The following ENOSF1 variants were observed in gnomAD, a reference collection of about 807,000 sequenced individuals.
ENOSF1 encodes enolase superfamily member 1, also known as mitochondrial enolase superfamily member 1.
In ENOSF1, 73 loss-of-function variants were observed where a neutral mutation model predicts 68.2. The ratio of observed to expected loss-of-function variants is 1.07; its 90% CI spans 0.89 to 1.30. ENOSF1 has a LOEUF of 1.30. Among genes scored for constraint, ENOSF1 ranks in the 50% most tolerant of loss-of-function variants. The pLI is 0.00. For missense variants in ENOSF1, 589 were observed against 554.5 expected, an observed-to-expected ratio of 1.06 and a Z score of -0.62; for synonymous variants, 223 against 210.4, an observed-to-expected ratio of 1.06 and a Z score of -0.52.
At position 678,712 on chromosome 18, in the gene ENOSF1, A is replaced by G; in HGVS notation, c.902T>C (p.Ile301Thr). 6.2e-7 allele frequency: 1 copy of G among 1,614,162 alleles called. No homozygotes were observed. The highest frequency in any genetic ancestry group is 8.5e-7 in the Non-Finnish European group (1 of 1,180,034). Reference sequence around the variant, plus strand: ...GTCACTCACCTGTTCTCCTGTGGCAATGCCAATTCCTAATGGGACCAGTGC... The same window carrying G: ...GTCACTCACCTGTTCTCCTGTGGCAGTGCCAATTCCTAATGGGACCAGTGC... ...SKALVPLGIG[I>T]ATGEQCHNRV... is the part of the protein sequence containing the mutation. Residue 301 changes from isoleucine to threonine, a missense_variant, in exon 12 of 16, where the codon ATT (isoleucine) becomes ACT (threonine). Physicochemically the swap from Ile to Thr is moderately conservative, Grantham distance 89. Coordinates refer to ENST00000647584, the MANE Select transcript of ENOSF1 (RefSeq NM_017512.7).
rs2075032593 is a variant in ENOSF1, at chr18:671,227, A to T, written c.*3078T>A. Reference sequence around the variant, plus strand: ...GTTCAATACCAGCCTGGGCAACATAACAAGATGCTGTTGCTACAAAAAAAT... The same window carrying T: ...GTTCAATACCAGCCTGGGCAACATATCAAGATGCTGTTGCTACAAAAAAAT... On this transcript the variant is annotated 3_prime_UTR_variant, in exon 16 of 16. Transcript: ENST00000647584. 1.5e-6 allele frequency: 1 copy of T among 655,192 alleles called. No homozygotes were observed. The highest frequency in any genetic ancestry group is 2.5e-5 in the Admixed American group (1 of 39,224). The allele number at this position is 655,192 out of a possible 1,614,324, so 40.6% of individuals were successfully genotyped here. A position where few individuals can be genotyped will look rare whatever the true frequency, so the allele number is the denominator to read the frequency against.
chr18:686,370 A>G (rs2847617), intron 9 of ENOSF1: 47,820 of 240,844 alleles, frequency 0.2, 5,588 homozygotes, highest in Admixed American at 0.26. Flanking sequence ...GGTGCCGAGT[A>G]AGCCACACTG....
intron 10 of ENOSF1, 81 bp downstream of exon 10, chr18:685,840 A>T: frequency 8.8e-7 from 1 of 1,131,096 alleles, no homozygotes; most frequent in Non-Finnish European, 1.3e-6. Flanking sequence ...TTAAATTCCC[A>T]ATGTTCTTTA....
Position 685,930 on chromosome 18 carries a change from T to C in ENOSF1, c.732A>G (p.Glu244=), listed in dbSNP as rs1598612625. ...GTGAGAGGATATTTACCAAAGTCTT[T>C]TCCGGTCCAATCATGTCTCGGATGA... ...CQIIRDMIGP[E]KTLMMDANQR... The change falls in exon 10 of 16, where the codon GAA becomes GAG. Residue 244 remains glutamate, a synonymous_variant. Coordinates refer to ENST00000647584, the MANE Select transcript of ENOSF1 (RefSeq NM_017512.7). 6.2e-7 allele frequency: 1 copy of C among 1,613,580 alleles called. No homozygotes were observed. Among genetic ancestry groups the C allele is most frequent in the East Asian group, 2.2e-5 (1 of 44,840 alleles).
chr18:678,326 A>G, intron 12 of ENOSF1: 1 of 325,732 alleles, frequency 3.1e-6, no homozygotes, highest in Non-Finnish European at 5.7e-6. Flanking sequence ...AGGTTTTGGC[A>G]GGCACTCGGG....
intron 15 of ENOSF1, 110 bp downstream of exon 15, chr18:675,210 AT>A: frequency 1.2e-6 from 1 of 813,384 alleles, no homozygotes; most frequent in Non-Finnish European, 2.1e-6. Flanking sequence ...GTTAGTGGAT[AT>A]TGCAAACAAA....
At position 674,102 on chromosome 18, in the gene ENOSF1, T is replaced by C. The variant is rs1167057527; in HGVS notation, c.*203A>G. ...TTTGGGTTAGTTAAATCTAAACTTA[T>C]TTAAGGATTAAGTAGGATAACGTGC... is the stretch of plus-strand genomic sequence containing the variant. On this transcript the variant is annotated 3_prime_UTR_variant, in exon 16 of 16. Transcript: ENST00000647584. 1 of 460,160 alleles carries C rather than the reference T, an allele frequency of 2.2e-6. No individual in the cohort carries two copies. The highest frequency in any genetic ancestry group is 2.0e-5 in the African/African-American group (1 of 49,128). The allele number at this position is 460,160 out of a possible 1,614,324, so 28.5% of individuals were successfully genotyped here.
intron 10 of ENOSF1, among the ~76,000 whole-genome samples, 171 bp downstream of exon 10, chr18:685,750 T>C (rs567886743): frequency 1.8e-4 from 27 of 152,334 alleles, no homozygotes; most frequent in African/African-American, 6.5e-4. Context: ...AACGTAAAAC[T>C]ATTAGTCCCT....
At chr18:702,847 A>G (rs966676929) in intron 2 of ENOSF1, among the ~76,000 whole-genome samples, 3 of 152,210 alleles carry the variant, frequency 2.0e-5, no homozygotes, top group African/African-American at 7.2e-5. Flanking sequence ...ACCCAACCAA[A>G]AACTACATTG....
chr18:669,208 C>G, downstream of ENOSF1: 4 of 1,579,226 alleles, frequency 2.5e-6, no homozygotes, highest in Non-Finnish European at 3.5e-6. Context: ...TTTATACTAA[C>G]CATACTCTTA....
At position 671,174 on chromosome 18, in the gene ENOSF1, A is replaced by G. The variant is rs374830876; in HGVS notation, c.*3131T>C. 12 of 612,008 alleles carry G rather than the reference A, an allele frequency of 2.0e-5. No individual in the cohort carries two copies. Among genetic ancestry groups the G allele is most frequent in the Middle Eastern group, 4.4e-4 (1 of 2,278 alleles). 37.9% of individuals were successfully genotyped at this position (612,008 alleles called of 1,614,324 possible). ...GTAATCCCAGCACTTTGGGAGACTG[A>G]GACAGGAGCAATTGCTTGAGGTCTG... On this transcript the variant is annotated 3_prime_UTR_variant, in exon 16 of 16. Transcript: ENST00000647584.
intron 1 of ENOSF1, chr18:712,285 G>T: frequency 6.5e-7 from 1 of 1,529,834 alleles, no homozygotes; most frequent in Non-Finnish European, 8.7e-7. Flanking sequence ...TGGGTTCGAA[G>T]TCGGGAAGCT....
At chr18:670,032 G>C (rs2074961301), downstream of ENOSF1, among the ~76,000 whole-genome samples, 6 of 140,420 alleles carry the variant, frequency 4.3e-5, no homozygotes, top group South Asian at 1.4e-3. Flanking sequence ...ACTTGCATCT[G>C]TAATAGAGAC....
intron 1 of ENOSF1, among the ~76,000 whole-genome samples, chr18:707,838 A>T (rs1192062871): frequency 7.3e-6 from 1 of 136,500 alleles, no homozygotes; most frequent in East Asian, 2.2e-4. Context: ...GTCACACCAC[A>T]AGTAAATAAT....
At chr18:667,280 GGATGGTGATGGA>G (rs1474424237), downstream of ENOSF1, among the ~76,000 whole-genome samples, 1 of 10,910 alleles carries the variant, frequency 9.2e-5, no homozygotes, top group Admixed American at 6.2e-4. Context: ...GATGGTGATG[GGATGGTGATGGA>G]GATGGTGATG....
At position 683,313 on chromosome 18, in the gene ENOSF1, A is replaced by T. The variant is rs749399622; in HGVS notation, c.809T>A (p.Phe270Tyr). 6.2e-7 allele frequency: 1 copy of T among 1,614,130 alleles called. No individual in the cohort carries two copies. Among genetic ancestry groups the T allele is most frequent in the Non-Finnish European group, 8.5e-7 (1 of 1,180,004 alleles). ...TGGCTCCTCAATCCACAATGGCTTG[A>T]ACTTGGCCAGCTTGGACATCCACTC... ...AVEWMSKLAKFKPLWIEEPTS... is the reference protein window; with the variant it reads ...AVEWMSKLAKYKPLWIEEPTS... Residue 270 changes from phenylalanine to tyrosine, a missense_variant, in exon 11 of 16, where the codon TTC (phenylalanine) becomes TAC (tyrosine). By Grantham distance (22) the Phe-to-Tyr change is conservative (BLOSUM62 3). Transcript: ENST00000647584.
intron 2 of ENOSF1, 33 bp from the exon 3 acceptor site, chr18:697,388 T>C (rs1176505376): frequency 2.7e-6 from 4 of 1,456,390 alleles, no homozygotes; most frequent in Non-Finnish European, 2.9e-6. Context: ...TTGTTTATGC[T>C]TCTATACTAG....
intron 11 of ENOSF1, among the ~76,000 whole-genome samples, chr18:682,254 A>AGATGGTAGGGTACGTCCATGACC (rs2076149079): frequency 6.6e-6 from 1 of 152,082 alleles, no homozygotes; most frequent in Non-Finnish European, 1.5e-5. Context: ...GGTAGAGACT[A>AGATGGTAGGGTACGTCCATGACC]CTACACGCCC....
At chr18:689,911 G>A (rs2076980633) in intron 8 of ENOSF1, among the ~76,000 whole-genome samples, 1 of 150,806 alleles carries the variant, frequency 6.6e-6, no homozygotes, top group Admixed American at 6.6e-5. Context: ...GGGGGCTGAA[G>A]GCTGAATTGA....
Sources: allele counts gnomAD v4.1 joint callset (sites outside exome capture counted in the v4.1 genomes callset), GRCh38; gene constraint gnomAD v4.1.1; transcripts MANE v1.5; gene names NCBI Gene and HGNC (gene_info 2026-07-23, HGNC 2026-07-21).